The following UNC13A variants were observed in gnomAD, a reference collection of about 807,000 sequenced individuals.
The protein encoded by UNC13A is protein unc-13 homolog A.
In UNC13A, 61 loss-of-function variants were observed where a neutral mutation model predicts 219.7. That is an observed-to-expected ratio of 0.28 (90% CI 0.23 to 0.34). The LOEUF is 0.34. Among genes scored for constraint, UNC13A ranks in the 10% least tolerant of loss-of-function variants. UNC13A has a pLI of 1.00. For missense variants in UNC13A, 1,476 were observed against 2,270.3 expected (o/e 0.65, Z 7.11); for synonymous variants, 920 against 884.6 (o/e 1.04, Z -0.71).
At chr19:17,635,310 T>C (rs1427938611) in intron 26 of UNC13A, among the ~76,000 whole-genome samples, 1 of 152,134 alleles carries the variant, frequency 6.6e-6, no homozygotes, top group East Asian at 1.9e-4. Context: ...CCCATCTGTT[T>C]ATTAATCCAT....
Position 17,620,683 on chromosome 19 carries a change from C to T in UNC13A, c.4272+10G>A. ...TGGGAGCCAGACAGACAGTGAGAGG[C>T]CGGTCTTACGTCTGAGTGGCTTGGC... is the stretch of plus-strand genomic sequence containing the variant. On this transcript the variant is annotated intron_variant, in intron 38 of 43. Coordinates refer to ENST00000519716, the MANE Select transcript of UNC13A (RefSeq NM_001080421.3). The T allele has an allele frequency of 6.2e-7, 1 of 1,612,528 alleles. No individual in the cohort carries two copies. Among genetic ancestry groups the T allele is most frequent in the Non-Finnish European group, 8.5e-7 (1 of 1,179,454 alleles).
rs200943981 is a variant in UNC13A, at chr19:17,649,369, G to A, written c.1519-25C>T. On this transcript the variant is annotated intron_variant, in intron 13 of 43. Coordinates refer to ENST00000519716, the MANE Select transcript of UNC13A (RefSeq NM_001080421.3). This position sits in a 1 kb window ranked among gnomAD's most constrained non-coding sequence, Gnocchi z 4.4. ...CCTGAAGTGTCCACGCAGCACATGG[G>A]GGTAGAAATCAGACTACATTAGTCT... The A allele has an allele frequency of 7.1e-5, 114 of 1,606,278 alleles. 1 individual carries two copies. In the East Asian group the frequency reaches 2.4e-3, roughly 33 times the overall value.
At position 17,648,630 on chromosome 19, in the gene UNC13A, C is replaced by T; in HGVS notation, c.1617G>A (p.Lys539=). ...TGGGGTAGATTAAGGCTTGCAGGGT[C>T]TTCTTGTAAACGTGGTTTTTCTGCA... The part of the protein sequence containing the change: ...NEELKNHVYK[K]TLQALIYPIS... Residue 539 remains lysine, a synonymous_variant, in exon 16 of 44, where the codon AAG becomes AAA. Coordinates refer to ENST00000519716, the MANE Select transcript of UNC13A (RefSeq NM_001080421.3). 1 of 1,607,376 alleles carries T rather than the reference C, an allele frequency of 6.2e-7. No individual in the cohort carries two copies. The highest frequency in any genetic ancestry group is 8.5e-7 in the Non-Finnish European group (1 of 1,174,902).
At chr19:17,642,389 T>C (rs2076980660) in intron 20 of UNC13A, among the ~76,000 whole-genome samples, 1 of 152,164 alleles carries the variant, frequency 6.6e-6, no homozygotes, top group Non-Finnish European at 1.5e-5. Flanking sequence ...CACCAACTCA[T>C]CCATCTATCC....
In UNC13A at chr19:17,604,276, T is replaced by C. The variant is rs1451321068; in HGVS notation, c.*1778A>G. The stretch of plus-strand genomic sequence containing the variant: ...AGCTCCTGGAGCTCCCCAACTGTCT[T>C]AGAATAAAAGTAAAACTCCTCAGGA... On this transcript the variant is annotated 3_prime_UTR_variant, in exon 44 of 44. Transcript: ENST00000519716. 2 of 152,168 alleles carry C rather than the reference T, an allele frequency of 1.3e-5. No homozygotes were observed. The highest frequency in any genetic ancestry group is 3.9e-4 in the East Asian group (2 of 5,172). The allele number at this position is 152,168 out of a possible 1,614,324, so 9.4% of individuals were successfully genotyped here. A position where few individuals can be genotyped will look rare whatever the true frequency, so the allele number is the denominator to read the frequency against.
At chr19:17,679,174 T>A (rs751567120) in intron 1 of UNC13A, among the ~76,000 whole-genome samples, 24 of 151,704 alleles carry the variant, frequency 1.6e-4, no homozygotes, top group Middle Eastern at 3.4e-3. Context: ...CCGAGGCAGG[T>A]GGATCACATG....
chr19:17,625,062 G>C (rs2144979374), intron 34 of UNC13A, 110 bp from the exon 35 acceptor site: 1 of 1,482,822 alleles, frequency 6.7e-7, no homozygotes, highest in Middle Eastern at 2.0e-4. Context: ...AGGGCCCACA[G>C]CCTGTACAGG....
chr19:17,655,216 T>G (rs2079426888), intron 11 of UNC13A, 58 bp downstream of exon 11: 3 of 1,401,868 alleles, frequency 2.1e-6, no homozygotes, highest in South Asian at 1.2e-5. Context: ...TGTGTGGGCC[T>G]GCCATTGGGC....
At chr19:17,617,123 A>C (rs2076674818) in intron 41 of UNC13A, among the ~76,000 whole-genome samples, 1 of 151,968 alleles carries the variant, frequency 6.6e-6, no homozygotes, top group East Asian at 1.9e-4. Context: ...GTCCCTCCTC[A>C]GGGGAGTTCA....
At chr19:17,638,450 A>T (rs2076933465) in intron 25 of UNC13A, among the ~76,000 whole-genome samples, 1 of 152,138 alleles carries the variant, frequency 6.6e-6, no homozygotes, top group African/African-American at 2.4e-5. Context: ...CCTGGGCAAC[A>T]GAGCAAGACC....
At position 17,668,315 on chromosome 19, in the gene UNC13A, G is replaced by A. The variant is rs557667184; in HGVS notation, c.395-125C>T. 3 of 863,194 alleles carry A rather than the reference G, an allele frequency of 3.5e-6. No homozygotes were observed. The East Asian group carries it at 8.2e-5, about 24-fold the overall frequency. 53.5% of individuals were successfully genotyped at this position (863,194 alleles called of 1,614,324 possible). A position where few individuals can be genotyped will look rare whatever the true frequency, so the allele number is the denominator to read the frequency against. On this transcript the variant is annotated intron_variant, in intron 5 of 43. Transcript: ENST00000519716. ...GGTCTTTGGCAAAGCCTCAGAAGTA[G>A]GGGTGGGTTGGTCTGCGGTCTCAGG... is the stretch of plus-strand genomic sequence containing the variant.
intron 12 of UNC13A, 114 bp downstream of exon 12, chr19:17,652,517 C>G: frequency 7.5e-7 from 1 of 1,335,076 alleles, no homozygotes; most frequent in Non-Finnish European, 1.1e-6. Context: ...CTCAATCTGT[C>G]CCCTGTCTAA....
At chr19:17,617,212 T>C (rs747451968) in intron 41 of UNC13A, among the ~76,000 whole-genome samples, 4 of 151,940 alleles carry the variant, frequency 2.6e-5, no homozygotes, top group African/African-American at 4.8e-5. Context: ...ACATCAGAGG[T>C]CCTGCCCATC....
chr19:17,682,428 C>T (rs1016274003), intron 1 of UNC13A, among the ~76,000 whole-genome samples: 9 of 152,226 alleles, frequency 5.9e-5, no homozygotes, highest in Non-Finnish European at 5.9e-5. Flanking sequence ...GGATGTGAGA[C>T]TTGCCAGGAA....
At chr19:17,671,765 C>A (rs894315093) in intron 4 of UNC13A, among the ~76,000 whole-genome samples, 5 of 152,084 alleles carry the variant, frequency 3.3e-5, no homozygotes, top group Non-Finnish European at 7.4e-5. Context: ...CAGAGTGAGA[C>A]CCTGTCTCAA....
intron 15 of UNC13A, 61 bp from the exon 16 acceptor site, chr19:17,648,711 C>A: frequency 6.4e-7 from 1 of 1,564,548 alleles, no homozygotes; most frequent in South Asian, 1.2e-5. Context: ...CCTGTCCTGC[C>A]CCATTCCGCC....
intron 28 of UNC13A, among the ~76,000 whole-genome samples, chr19:17,632,024 C>T (rs2076861317): frequency 6.6e-6 from 1 of 152,220 alleles, no homozygotes; most frequent in Admixed American, 6.5e-5. Flanking sequence ...AATTCTCATG[C>T]CTCAGCCTCC....
intron 9 of UNC13A, among the ~76,000 whole-genome samples, chr19:17,657,278 C>T (rs751583663): frequency 1.3e-4 from 20 of 152,200 alleles, no homozygotes; most frequent in Non-Finnish European, 2.2e-4. Flanking sequence ...CTGGCCACCT[C>T]GTTGTCTCTC....
chr19:17,634,499 C>T (rs937068877), intron 26 of UNC13A, among the ~76,000 whole-genome samples: 4 of 152,036 alleles, frequency 2.6e-5, no homozygotes, highest in Non-Finnish European at 5.9e-5. Flanking sequence ...CCACTATGCC[C>T]GGCTAATTTT....
Sources: allele counts gnomAD v4.1 joint callset (sites outside exome capture counted in the v4.1 genomes callset), GRCh38; gene constraint gnomAD v4.1.1; non-coding constraint Gnocchi (gnomAD v3.1); transcripts MANE v1.5; gene names NCBI Gene and HGNC (gene_info 2026-07-23, HGNC 2026-07-21).